Variants in CPA3 observed in about 807,000 individuals in gnomAD.
CPA3 encodes carboxypeptidase A3.
In CPA3, 52 loss-of-function variants were observed where a neutral mutation model predicts 55.8. That is an observed-to-expected ratio of 0.93 (90% CI 0.75 to 1.17). The LOEUF is 1.17. Ranked by LOEUF, CPA3 falls within the 50% of genes most tolerant of loss-of-function variation. CPA3 has a pLI of 0.00. For synonymous variants in CPA3, 179 were observed against 171.2 expected (o/e 1.05, Z -0.36); for missense variants, 547 against 509.1 (o/e 1.07, Z -0.72).
Position 148,883,609 on chromosome 3 carries a change from G to T in CPA3, c.779-4G>T. The T allele has an allele frequency of 6.2e-7, 1 of 1,613,240 alleles. No homozygotes were observed. Among genetic ancestry groups the T allele is most frequent in the Non-Finnish European group, 8.5e-7 (1 of 1,179,716 alleles). ...GTGGTCTCATCCACCTATGTCTTCT[G>T]CAGCCATTCCTAACACCAATGACCC... is the stretch of plus-strand genomic sequence containing the variant. On this transcript the variant is annotated splice_polypyrimidine_tract_variant and splice_region_variant and intron_variant, in intron 8 of 10. Transcript: ENST00000296046.
chr3:148,882,705 G>A (rs1316203259), intron 8 of CPA3, 110 bp downstream of exon 8: 21 of 784,972 alleles, frequency 2.7e-5, no homozygotes, highest in Non-Finnish European at 3.6e-5. Flanking sequence ...TTGAGTGAGT[G>A]TTAACTTTTG....
At chr3:148,866,802 C>A (rs1413693348) in intron 2 of CPA3, among the ~76,000 whole-genome samples, 1 of 152,098 alleles carries the variant, frequency 6.6e-6, no homozygotes, top group African/African-American at 2.4e-5. Context: ...CTCACTCTGT[C>A]ACCCAGGCTG....
At chr3:148,874,618 C>T (rs1222728367) in intron 3 of CPA3, among the ~76,000 whole-genome samples, 1 of 152,088 alleles carries the variant, frequency 6.6e-6, no homozygotes, top group Non-Finnish European at 1.5e-5. Flanking sequence ...TAATGATGTG[C>T]TTGTCAGTGC....
chr3:148,887,272 A>G (rs1257996831), intron 10 of CPA3, among the ~76,000 whole-genome samples: 2 of 152,194 alleles, frequency 1.3e-5, no homozygotes, highest in Non-Finnish European at 1.5e-5. Flanking sequence ...AACCTCATTC[A>G]CAGAAACAGG....
chr3:148,873,980 T>C (rs1157364097), intron 3 of CPA3, among the ~76,000 whole-genome samples: 2 of 152,224 alleles, frequency 1.3e-5, no homozygotes, highest in African/African-American at 2.4e-5. Context: ...ATTTTGGAGC[T>C]CAAAATAATA....
chr3:148,886,525 G>A (rs1291117784), intron 10 of CPA3, among the ~76,000 whole-genome samples: 1 of 151,638 alleles, frequency 6.6e-6, no homozygotes, highest in Admixed American at 6.6e-5. Context: ...AGAATTCACT[G>A]GAGTGAGAAA....
At chr3:148,865,822 T>G (rs1468116197) in intron 2 of CPA3, among the ~76,000 whole-genome samples, 1 of 152,188 alleles carries the variant, frequency 6.6e-6, no homozygotes, top group Non-Finnish European at 1.5e-5. Flanking sequence ...GTTCTTGGCC[T>G]CCTTATCAGG....
At chr3:148,876,717 TG>T (rs1230698433) in intron 3 of CPA3, among the ~76,000 whole-genome samples, 1 of 152,040 alleles carries the variant, frequency 6.6e-6, no homozygotes, top group Non-Finnish European at 1.5e-5. Flanking sequence ...TCAAAATTTT[TG>T]GAAAAAAAGA....
chr3:148,881,720 A>G (rs1243555119), intron 7 of CPA3, 88 bp downstream of exon 7: 2 of 621,810 alleles, frequency 3.2e-6, no homozygotes, highest in African/African-American at 3.8e-5. Context: ...GGGTTTAGGT[A>G]ACTAGTTAAT....
intron 3 of CPA3, among the ~76,000 whole-genome samples, chr3:148,875,757 T>C (rs1420527785): frequency 6.6e-6 from 1 of 152,132 alleles, no homozygotes; most frequent in Non-Finnish European, 1.5e-5. Flanking sequence ...AAATAATATT[T>C]AACAAAATAA....
At chr3:148,889,446 T>A (rs748714487) in intron 10 of CPA3, among the ~76,000 whole-genome samples, 4 of 152,028 alleles carry the variant, frequency 2.6e-5, no homozygotes, top group African/African-American at 7.2e-5. Flanking sequence ...TAGAAAAAAA[T>A]ATATATATGT....
At chr3:148,876,971 CA>C (rs1225908960) in intron 3 of CPA3, among the ~76,000 whole-genome samples, 2 of 152,144 alleles carry the variant, frequency 1.3e-5, no homozygotes, top group Non-Finnish European at 2.9e-5. Context: ...CTAACTTCCC[CA>C]TCTGTAAAGT....
chr3:148,889,946 C>T (rs1408290944), intron 10 of CPA3, among the ~76,000 whole-genome samples: 3 of 150,244 alleles, frequency 2.0e-5, no homozygotes, highest in Non-Finnish European at 4.4e-5. Context: ...CCCAGAGATT[C>T]TGATTTCATC....
chr3:148,892,951 T>C (rs1393923712), intron 10 of CPA3, among the ~76,000 whole-genome samples: 1 of 149,794 alleles, frequency 6.7e-6, no homozygotes. Flanking sequence ...TGAGACTCCA[T>C]CTCAAAAGAA....
At chr3:148,876,834 CAA>C (rs1714217654) in intron 3 of CPA3, among the ~76,000 whole-genome samples, 1 of 152,014 alleles carries the variant, frequency 6.6e-6, no homozygotes, top group Admixed American at 6.6e-5. Context: ...AATTCCCAGA[CAA>C]AATAAATAAA....
At chr3:148,888,956 C>T (rs1470024958) in intron 10 of CPA3, among the ~76,000 whole-genome samples, 1 of 152,122 alleles carries the variant, frequency 6.6e-6, no homozygotes, top group Non-Finnish European at 1.5e-5. Flanking sequence ...AGCGGAGAGC[C>T]AAAACTACCA....
intron 3 of CPA3, among the ~76,000 whole-genome samples, chr3:148,873,422 AT>A (rs1332504463): frequency 6.6e-6 from 1 of 152,228 alleles, no homozygotes; most frequent in Non-Finnish European, 1.5e-5. Context: ...CGATAGTCAC[AT>A]ATATTGGCCC....
At position 148,879,839 on chromosome 3, in the gene CPA3, C is replaced by T. The variant is rs1291574461; in HGVS notation, c.526C>T (p.His176Tyr). 1 of 1,612,840 alleles carries T rather than the reference C, an allele frequency of 6.2e-7. No homozygotes were observed. Among genetic ancestry groups the T allele is most frequent in the Admixed American group, 1.7e-5 (1 of 59,988 alleles). Residue 176 changes from histidine to tyrosine, a missense_variant, in exon 6 of 11, where the codon CAC becomes TAC. Coordinates refer to ENST00000296046, the MANE Select transcript of CPA3 (RefSeq NM_001870.4). Reference sequence around the variant, plus strand: ...GGCTATTTTTACGGATTGTGGCATTCACGCACGAGAATGGGTCTCCCCAGC... The same window carrying T: ...GGCTATTTTTACGGATTGTGGCATTTACGCACGAGAATGGGTCTCCCCAGC... ...RKAIFTDCGI[H>Y]AREWVSPAFC...
chr3:148,875,923 C>T (rs1250102439), intron 3 of CPA3, among the ~76,000 whole-genome samples: 1 of 151,834 alleles, frequency 6.6e-6, no homozygotes, highest in African/African-American at 2.4e-5. Flanking sequence ...AAAAGAATGC[C>T]GTCTATGGCT....
Sources: gnomAD v4.1 joint callset for allele counts (sites outside exome capture counted in the v4.1 genomes callset) on GRCh38, gnomAD v4.1.1 for gene constraint, MANE v1.5 for transcripts, NCBI Gene and HGNC (gene_info 2026-07-23, HGNC 2026-07-21) for gene names.